The following CALM2 variants were observed in gnomAD, a reference collection of about 807,000 sequenced individuals.
CALM2 encodes calmodulin 2, also known as calmodulin-2.
In CALM2, 2 loss-of-function variants were observed where a neutral mutation model predicts 19.8. The ratio of observed to expected loss-of-function variants is 0.10; its 90% confidence interval spans 0.04 to 0.32. The LOEUF (loss-of-function observed/expected upper bound fraction) is 0.32. CALM2 is among the 10% of genes least tolerant of loss of function. The pLI is 1.00. For missense variants in CALM2, 38 were observed against 178.7 expected (o/e 0.21, Z 4.49); for synonymous variants, 51 against 52.1 (o/e 0.98, Z 0.09).
chr2:47,164,366 ACACACACACACACACACACACG>A (rs1448976344), intron 2 of CALM2, among the ~76,000 whole-genome samples: 8 of 7,176 alleles, frequency 1.1e-3, no homozygotes, highest in South Asian at 6.4e-3. Flanking sequence ...ACACACACAC[ACACACACACACACACACACACG>A]CTGGGTGTGG....
intron 1 of CALM2, chr2:47,171,442 T>C (rs1666664129): frequency 2.0e-5 from 3 of 152,574 alleles, no homozygotes; most frequent in Admixed American, 2.0e-4. Flanking sequence ...ATAATAACCT[T>C]ACAGTGGTAT....
chr2:47,169,797 T>C (rs1666608203), intron 2 of CALM2, among the ~76,000 whole-genome samples: 1 of 152,134 alleles, frequency 6.6e-6, no homozygotes, highest in African/African-American at 2.4e-5. Flanking sequence ...ACTGGGCTTC[T>C]CAGTTTTCTC....
chr2:47,171,017 T>C (rs1025193721), intron 1 of CALM2: 61 of 423,708 alleles, frequency 1.4e-4, no homozygotes, highest in African/African-American at 3.0e-4. Flanking sequence ...AATAGAAACA[T>C]TGCTTCCTTT....
intron 1 of CALM2, chr2:47,172,280 C>T (rs1320230517): frequency 2.1e-5 from 7 of 328,974 alleles, no homozygotes; most frequent in South Asian, 1.5e-4. Context: ...GCATGCGTGG[C>T]GTGGGGGGAA....
intron 1 of CALM2, among the ~76,000 whole-genome samples, chr2:47,175,099 C>G (rs1316142185): frequency 2.1e-4 from 2 of 9,312 alleles, no homozygotes; most frequent in Admixed American, 9.8e-4. Flanking sequence ...TTTTTTTTTT[C>G]AGGAAAGAAC....
intron 2 of CALM2, chr2:47,163,720 A>T (rs1206210750): frequency 6.6e-6 from 1 of 152,152 alleles, no homozygotes; most frequent in Non-Finnish European, 1.5e-5. Context: ...GGCATGAGCC[A>T]CTGTGCCCGG....
chr2:47,176,164 C>A, intron 1 of CALM2: 1 of 501,584 alleles, frequency 2.0e-6, no homozygotes, highest in Non-Finnish European at 3.6e-6. Flanking sequence ...TCATCCCGGA[C>A]CCATCCTCCT....
intron 2 of CALM2, among the ~76,000 whole-genome samples, chr2:47,169,321 T>G (rs1392988754): frequency 6.6e-6 from 1 of 151,936 alleles, no homozygotes; most frequent in Non-Finnish European, 1.5e-5. Context: ...AGAAAAACAT[T>G]TTGACGATAC....
rs762591090 is a variant in CALM2, at chr2:47,161,790, T to C, written c.354A>G (p.Thr118=). The C allele has an allele frequency of 1.2e-6, 2 of 1,613,344 alleles. No homozygotes were observed. Among genetic ancestry groups the C allele is most frequent in the Non-Finnish European group, 1.7e-6 (2 of 1,179,466 alleles). The change falls in exon 5 of 6, where the codon ACA becomes ACG. Residue 118 remains threonine (T), a synonymous_variant. Transcript: ENST00000272298. The part of the protein sequence containing the change: ...HVMTNLGEKL[T]DEEVDEMIRE... ...TGATCATTTCATCAACTTCTTCATC[T>C]GTTAACTTCTCTCCAAGGTTTGTCA...
intron 2 of CALM2, among the ~76,000 whole-genome samples, chr2:47,168,675 C>T (rs907969096): frequency 6.6e-6 from 1 of 152,112 alleles, no homozygotes; most frequent in Non-Finnish European, 1.5e-5. Flanking sequence ...AGTTGAGCCA[C>T]TGCACTCCAG....
At chr2:47,161,659 TAACA>T in intron 5 of CALM2, 60 bp downstream of exon 5, 3 of 1,501,026 alleles carry the variant, frequency 2.0e-6, no homozygotes, top group Non-Finnish European at 2.7e-6. Flanking sequence ...ATCAGTTCCC[TAACA>T]AAGAGCCTCT....
chr2:47,167,798 A>ATTTTTTTTTTTTTT (rs1666532020), intron 2 of CALM2: 1 of 22,444 alleles, frequency 4.5e-5, no homozygotes, highest in Non-Finnish European at 8.2e-5. Flanking sequence ...AAAAAAAAAA[A>ATTTTTTTTTTTTTT]ATTTTTTTTT....
Position 47,160,704 on chromosome 2 carries a change from A to G in CALM2, c.*72T>C, listed in dbSNP as rs1316920749. The G allele has an allele frequency of 2.0e-5, 17 of 836,036 alleles. No individual in the cohort carries two copies. Among genetic ancestry groups the G allele is most frequent in the Admixed American group, 1.3e-4 (4 of 31,278 alleles). 51.8% of individuals were successfully genotyped at this position (836,036 alleles called of 1,614,324 possible). A position where few individuals can be genotyped will look rare whatever the true frequency, so the allele number is the denominator to read the frequency against. On this transcript the variant is annotated 3_prime_UTR_variant, in exon 6 of 6. Coordinates refer to ENST00000272298, the MANE Select transcript of CALM2 (RefSeq NM_001743.6). ...GACAGTAGGGAGAAACCTTTTACAG[A>G]TAAGTTACAAACAAAGAAAAGGCAA...
intron 5 of CALM2, 46 bp from the exon 6 acceptor site, chr2:47,160,850 C>CAAAA (rs55773607): frequency 3.7e-4 from 139 of 371,776 alleles, no homozygotes; most frequent in South Asian, 3.2e-3. Flanking sequence ...AGCAAAAGAC[C>CAAAA]AAAAAAAAAA....
chr2:47,175,091 T>TG (rs1666807935), intron 1 of CALM2, among the ~76,000 whole-genome samples: 2 of 135,170 alleles, frequency 1.5e-5, no homozygotes, highest in African/African-American at 7.0e-5. Context: ...GTTTTTTTTT[T>TG]TTTTTTTCAG....
At chr2:47,176,935 C>G (rs577921392), upstream of CALM2, 17 of 985,272 alleles carry the variant, frequency 1.7e-5, no homozygotes, top group South Asian at 4.7e-5. Context: ...GTCCTGGCAA[C>G]TGCGCCAGGC....
intron 1 of CALM2, among the ~76,000 whole-genome samples, chr2:47,175,406 T>G (rs979599364): frequency 6.6e-6 from 1 of 152,124 alleles, no homozygotes; most frequent in African/African-American, 2.4e-5. Context: ...AGACCGACTT[T>G]CAGAAGGCAG....
intron 2 of CALM2, among the ~76,000 whole-genome samples, chr2:47,169,729 A>G (rs1445912629): frequency 6.6e-6 from 1 of 152,130 alleles, no homozygotes; most frequent in African/African-American, 2.4e-5. Context: ...GGTATCCCCC[A>G]AACTTCTATA....
chr2:47,176,754 C>T (rs561204675), upstream of CALM2: 5 of 985,330 alleles, frequency 5.1e-6, no homozygotes, highest in African/African-American at 5.2e-5. Context: ...TGGAGCGGCC[C>T]CTGAGGGGCG....
Sources: gnomAD v4.1 joint callset for allele counts (sites outside exome capture counted in the v4.1 genomes callset) on GRCh38, gnomAD v4.1.1 for gene constraint, MANE v1.5 for transcripts, NCBI Gene and HGNC (gene_info 2026-07-23, HGNC 2026-07-21) for gene names.